KIAA1614: variants seen among roughly 807,000 people sequenced by gnomAD.
The protein encoded by KIAA1614 is uncharacterized protein KIAA1614.
A neutral mutation model predicts 88.7 loss-of-function variants in KIAA1614; 76 were observed. The ratio of observed to expected loss-of-function variants is 0.86; its 90% confidence interval spans 0.71 to 1.04. The LOEUF is 1.04. Among genes scored for constraint, KIAA1614 ranks in the 50% least tolerant of loss-of-function variants. The pLI is 0.00. For missense variants in KIAA1614, 1,553 were observed against 1,582.5 expected (o/e 0.98, Z 0.32); for synonymous variants, 714 against 675.5 (o/e 1.06, Z -0.88).
chr1:180,923,253 C>T (rs7545364), intron 3 of KIAA1614, among the ~76,000 whole-genome samples: 8 of 152,160 alleles, frequency 5.3e-5, no homozygotes, highest in Admixed American at 3.3e-4. Flanking sequence ...TCTCCCCTGA[C>T]GGAGGTTAGG....
At position 180,935,110 on chromosome 1, in the gene KIAA1614, A is replaced by C. The variant is rs1654287100; in HGVS notation, c.1206-5A>C. 1 of 1,418,098 alleles carries C rather than the reference A, an allele frequency of 7.1e-7. No homozygotes were observed. The highest frequency in any genetic ancestry group is 9.2e-7 in the Non-Finnish European group (1 of 1,084,720). The allele number at this position is 1,418,098 out of a possible 1,614,324, so 87.8% of individuals were successfully genotyped here. On this transcript the variant is annotated splice_region_variant and splice_polypyrimidine_tract_variant and intron_variant, in intron 4 of 8. Transcript: ENST00000367588. This position sits in a 1 kb window ranked among gnomAD's most constrained non-coding sequence, Gnocchi z 6.1. ...TTGACCTCTCTCCTCCTGTCTCTTC[A>C]TCAGAGATGGCCACAGAAGCCCAGC...
chr1:180,937,041 C>T (rs1009061508), intron 5 of KIAA1614, among the ~76,000 whole-genome samples: 1 of 152,258 alleles, frequency 6.6e-6, no homozygotes, highest in Non-Finnish European at 1.5e-5. Flanking sequence ...GTACTCCCAA[C>T]AGCTCAGGAA....
intron 4 of KIAA1614, among the ~76,000 whole-genome samples, chr1:180,929,053 C>T (rs1000613655): frequency 5.3e-5 from 8 of 152,202 alleles, no homozygotes; most frequent in South Asian, 2.1e-4. Context: ...GACAGAGGAG[C>T]GCAACACCTA....
chr1:180,935,481 C>CCCGGCACCG lies in KIAA1614; in HGVS notation c.1582_1590dup (p.Pro528_Pro530dup), dbSNP rs771756923. 1.3e-6 allele frequency: 2 copies of CCCGGCACCG among 1,481,982 alleles called. No homozygotes were observed. Among genetic ancestry groups the CCCGGCACCG allele is most frequent in the South Asian group, 1.4e-5 (1 of 73,216 alleles). 91.8% of individuals were successfully genotyped at this position (1,481,982 alleles called of 1,614,324 possible). A position where few individuals can be genotyped will look rare whatever the true frequency, so the allele number is the denominator to read the frequency against. On this transcript the variant is annotated inframe_insertion, in exon 5 of 9. Transcript: ENST00000367588. This position sits in a 1 kb window ranked among gnomAD's most constrained non-coding sequence, Gnocchi z 6.1. ...TGGGCAGCCTGGACCGCAGGGGACA[C>CCCGGCACCG]CCGGCACCGCCGGCACCGGGCAGCG...
chr1:180,933,511 A>G (rs1654247890), intron 4 of KIAA1614, among the ~76,000 whole-genome samples: 1 of 152,246 alleles, frequency 6.6e-6, no homozygotes, highest in African/African-American at 2.4e-5. Flanking sequence ...CCCAACACTT[A>G]GCAGTGGATT....
Position 180,935,430 on chromosome 1 carries a change from G to A in KIAA1614, c.1521G>A (p.Ala507=), listed in dbSNP as rs373064901. The A allele has an allele frequency of 1.9e-5, 28 of 1,471,630 alleles. No individual in the cohort carries two copies. In the African/African-American group the frequency reaches 4.0e-4, roughly 21 times the overall value. 91.2% of individuals were successfully genotyped at this position (1,471,630 alleles called of 1,614,324 possible). A position where few individuals can be genotyped will look rare whatever the true frequency, so the allele number is the denominator to read the frequency against. The change falls in exon 5 of 9, where the codon GCG becomes GCA. Residue 507 remains alanine (A), a synonymous_variant. Transcript: ENST00000367588. The surrounding 1 kb of genome is among the most constrained non-coding windows in gnomAD (Gnocchi z 6.1). The stretch of plus-strand genomic sequence containing the variant: ...ACGGGGCTCCCCGGCTCCGGGACGC[G>A]GGGCAGGGGACATTCCACAGGCTTG... The part of the protein sequence containing the change: ...YINGAPRLRD[A]GQGTFHRLVG...
In KIAA1614 at chr1:180,916,136, G is replaced by T; in HGVS notation, c.51-18G>T. ...TCCTGTGCTGGGTCTTAGGAACTCT[G>T]TCTGTTTTCTCCTCCAGAGGGCCCA... On this transcript the variant is annotated intron_variant, in intron 1 of 8. Coordinates refer to ENST00000367588, the MANE Select transcript of KIAA1614 (RefSeq NM_020950.2). 6.5e-7 allele frequency: 1 copy of T among 1,527,854 alleles called. No individual in the cohort carries two copies. The highest frequency in any genetic ancestry group is 8.8e-7 in the Non-Finnish European group (1 of 1,139,036). The allele number at this position is 1,527,854 out of a possible 1,614,324, so 94.6% of individuals were successfully genotyped here.
In KIAA1614 at chr1:180,935,223, G is replaced by A. The variant is rs1192416737; in HGVS notation, c.1314G>A (p.Gly438=). 4 of 1,533,798 alleles carry A rather than the reference G, an allele frequency of 2.6e-6. No individual in the cohort carries two copies. Among genetic ancestry groups the A allele is most frequent in the Non-Finnish European group, 3.5e-6 (4 of 1,143,784 alleles). The change falls in exon 5 of 9, where the codon GGG becomes GGA. Residue 438 remains glycine, a synonymous_variant. Coordinates refer to ENST00000367588, the MANE Select transcript of KIAA1614 (RefSeq NM_020950.2). This position sits in a 1 kb window ranked among gnomAD's most constrained non-coding sequence, Gnocchi z 6.1. ...CCTCCAGCGGAGAGTCCAGCGGTGG[G>A]CACAGGCCGAGGCGGGGCCCCTCGC... ...SDSSSGESSG[G]HRPRRGPSPS... is the part of the protein sequence containing the mutation.
At chr1:180,922,567 T>C (rs1653979879) in intron 3 of KIAA1614, among the ~76,000 whole-genome samples, 1 of 152,210 alleles carries the variant, frequency 6.6e-6, no homozygotes. Context: ...GGGCTTGGCC[T>C]GTGGTTCAAG....
rs142230745 is a variant in KIAA1614 at position 180,950,042 on chromosome 1, A to G, written c.*4454A>G. The G allele has an allele frequency of 6.5e-6, 1 of 152,790 alleles. No homozygotes were observed. The highest frequency in any genetic ancestry group is 2.4e-5 in the African/African-American group (1 of 41,596). 9.5% of individuals were successfully genotyped at this position (152,790 alleles called of 1,614,324 possible). ...GCTCACTCACTGTCAGGTATAAATA[A>G]ATGACAACAGTTTAACGCGTTATTT... On this transcript the variant is annotated 3_prime_UTR_variant, in exon 9 of 9. Coordinates refer to ENST00000367588, the MANE Select transcript of KIAA1614 (RefSeq NM_020950.2).
rs1571278586 is a variant in KIAA1614, at chr1:180,913,038, A to C, written c.-206A>C. ...GTGGGGCGCTGCGCCGGCCAGACCCACCCGGGGCCCGGGGGCTGCCAGCAG... is the reference window on the plus strand; with the variant it reads ...GTGGGGCGCTGCGCCGGCCAGACCCCCCCGGGGCCCGGGGGCTGCCAGCAG... On this transcript the variant is annotated 5_prime_UTR_variant, in exon 1 of 9. Transcript: ENST00000367588. 3.3e-6 allele frequency: 1 copy of C among 304,330 alleles called. No homozygotes were observed. The highest frequency in any genetic ancestry group is 5.1e-5 in the Admixed American group (1 of 19,532). 18.9% of individuals were successfully genotyped at this position (304,330 alleles called of 1,614,324 possible).
intron 2 of KIAA1614, among the ~76,000 whole-genome samples, chr1:180,917,386 G>C (rs182678132): frequency 8.3e-4 from 126 of 152,220 alleles, no homozygotes; most frequent in African/African-American, 2.9e-3. Flanking sequence ...TCTTCTTTGC[G>C]GCTTGGATTC....
At position 180,936,210 on chromosome 1, in the gene KIAA1614, A is replaced by G; in HGVS notation, c.2301A>G (p.Thr767=). 5.0e-6 allele frequency: 8 copies of G among 1,614,188 alleles called. No homozygotes were observed. The highest frequency in any genetic ancestry group is 6.8e-6 in the Non-Finnish European group (8 of 1,180,016). ...GGCCAGGAGGCCAGGCCCAGGTTAC[A>G]GAAAGCCACGAGTCCCTGGAAATTG... ...SSGPGGQAQV[T]ESHESLEIVS... is the part of the protein sequence containing the mutation. Residue 767 remains threonine, a synonymous_variant, in exon 5 of 9, where the codon ACA becomes ACG. Transcript: ENST00000367588.
chr1:180,918,649 C>T (rs1387953628), intron 3 of KIAA1614, among the ~76,000 whole-genome samples: 1 of 152,142 alleles, frequency 6.6e-6, no homozygotes, highest in Non-Finnish European at 1.5e-5. Context: ...CTGGAGCTCT[C>T]GTTTCCCCAG....
chr1:180,913,057 C>T lies in KIAA1614; in HGVS notation c.-187C>T, dbSNP rs1256661575. On this transcript the variant is annotated 5_prime_UTR_variant, in exon 1 of 9. Coordinates refer to ENST00000367588, the MANE Select transcript of KIAA1614 (RefSeq NM_020950.2). ...AGACCCACCCGGGGCCCGGGGGCTG[C>T]CAGCAGAGCCGGGAGCTGGCCCGGC... The T allele has an allele frequency of 8.8e-6, 3 of 340,086 alleles. No homozygotes were observed. The highest frequency in any genetic ancestry group is 4.3e-5 in the African/African-American group (2 of 46,228). The allele number at this position is 340,086 out of a possible 1,614,324, so 21.1% of individuals were successfully genotyped here. A position where few individuals can be genotyped will look rare whatever the true frequency, so the allele number is the denominator to read the frequency against.
chr1:180,928,848 CAG>C (rs760092354), intron 4 of KIAA1614, among the ~76,000 whole-genome samples: 3 of 152,168 alleles, frequency 2.0e-5, no homozygotes, highest in Admixed American at 6.5e-5. Flanking sequence ...GAGAAGCAAA[CAG>C]ATATTCAATT....
intron 8 of KIAA1614, 60 bp downstream of exon 8, chr1:180,944,576 G>C: frequency 6.4e-7 from 1 of 1,567,742 alleles, no homozygotes; most frequent in Non-Finnish European, 8.7e-7. Flanking sequence ...GGAGCCAAAA[G>C]CTTAACTCCT....
chr1:180,920,669 A>G (rs1362346779), intron 3 of KIAA1614, among the ~76,000 whole-genome samples: 4 of 145,066 alleles, frequency 2.8e-5, no homozygotes, highest in Admixed American at 6.8e-5. Context: ...AGCTCATGAC[A>G]TGATGGTGAC....
intron 4 of KIAA1614, among the ~76,000 whole-genome samples, chr1:180,932,706 GT>G (rs754555018): frequency 6.6e-6 from 1 of 151,802 alleles, no homozygotes; most frequent in African/African-American, 2.4e-5. Context: ...GTTTGTGTAT[GT>G]TTTTTTTGGT....
Sources: allele counts gnomAD v4.1 joint callset (sites outside exome capture counted in the v4.1 genomes callset), GRCh38; gene constraint gnomAD v4.1.1; non-coding constraint Gnocchi (gnomAD v3.1); transcripts MANE v1.5; gene names NCBI Gene and HGNC (gene_info 2026-07-23, HGNC 2026-07-21).